ERC1: variants seen among roughly 807,000 people sequenced by gnomAD.
The protein encoded by ERC1 is ELKS/RAB6-interacting/CAST family member 1.
In ERC1, 56 loss-of-function variants were observed where a neutral mutation model predicts 132.0. That is an observed-to-expected ratio of 0.42 (90% confidence interval 0.34 to 0.53). The LOEUF (loss-of-function observed/expected upper bound fraction) is 0.53, where lower values mean the gene tolerates loss of function less well. Ranked by LOEUF, ERC1 falls within the 20% of genes least tolerant of loss-of-function variation. ERC1 has a pLI of 0.03. For synonymous variants in ERC1, 478 were observed against 476.1 expected (o/e 1.00, Z -0.05); for missense variants, 1,202 against 1,349.9 (o/e 0.89, Z 1.72).
At chr12:1,234,075 T>G (rs2075254108) in intron 12 of ERC1, among the ~76,000 whole-genome samples, 1 of 152,174 alleles carries the variant, frequency 6.6e-6, no homozygotes, top group Admixed American at 6.5e-5. Context: ...ATAATGTACA[T>G]AGAAATAAAA....
intron 11 of ERC1, among the ~76,000 whole-genome samples, chr12:1,188,611 T>C (rs1275938031): frequency 6.6e-6 from 1 of 152,194 alleles, no homozygotes; most frequent in Non-Finnish European, 1.5e-5. Flanking sequence ...ATTTAAGACA[T>C]AAAAGATTTT....
chr12:1,254,201 A>G (rs192709910), intron 13 of ERC1, among the ~76,000 whole-genome samples: 2 of 152,312 alleles, frequency 1.3e-5, no homozygotes, highest in East Asian at 1.9e-4. Context: ...ATGATAAAGC[A>G]TGTTCCTTTG....
At chr12:1,216,711 A>ATATTGTC (rs1412220175) in intron 12 of ERC1, among the ~76,000 whole-genome samples, 1 of 152,122 alleles carries the variant, frequency 6.6e-6, no homozygotes, top group African/African-American at 2.4e-5. Context: ...ATAAAAGGCC[A>ATATTGTC]TATTGTCTAT....
At chr12:1,130,405 T>C (rs1029131046) in intron 7 of ERC1, among the ~76,000 whole-genome samples, 2 of 151,654 alleles carry the variant, frequency 1.3e-5, no homozygotes, top group African/African-American at 2.4e-5. Flanking sequence ...GGAAGTGTTA[T>C]GTTATGTGTT....
intron 3 of ERC1, among the ~76,000 whole-genome samples, chr12:1,093,785 T>C (rs1324911112): frequency 2.6e-5 from 4 of 151,212 alleles, no homozygotes; most frequent in African/African-American, 9.7e-5. Flanking sequence ...AACTAGCATA[T>C]CTGAGGACTG....
intron 18 of ERC1, among the ~76,000 whole-genome samples, chr12:1,483,967 T>C: frequency 6.6e-6 from 1 of 151,726 alleles, no homozygotes; most frequent in Non-Finnish European, 1.5e-5. Context: ...GTGCTGGGAT[T>C]ATAGGCGTGA....
chr12:1,478,743 C>T (rs1269698848), intron 18 of ERC1, among the ~76,000 whole-genome samples: 3 of 151,202 alleles, frequency 2.0e-5, no homozygotes, highest in African/African-American at 7.3e-5. Context: ...GAGCCAAGAT[C>T]GCACCACTGC....
chr12:1,407,026 C>T (rs777270024), intron 16 of ERC1, among the ~76,000 whole-genome samples: 15 of 152,098 alleles, frequency 9.9e-5, no homozygotes, highest in Non-Finnish European at 1.5e-4. Flanking sequence ...ATCATGTACC[C>T]TGGCATTTTC....
intron 14 of ERC1, among the ~76,000 whole-genome samples, chr12:1,280,932 T>C (rs933843167): frequency 6.6e-6 from 1 of 152,190 alleles, no homozygotes; most frequent in African/African-American, 2.4e-5. Flanking sequence ...CTGTCCAGGG[T>C]TGTGTTGAAA....
chr12:1,355,266 T>C (rs891104237), intron 15 of ERC1, among the ~76,000 whole-genome samples: 9 of 152,204 alleles, frequency 5.9e-5, no homozygotes, highest in African/African-American at 1.7e-4. Context: ...TTTCACAAAA[T>C]GTAATTATTA....
intron 16 of ERC1, among the ~76,000 whole-genome samples, chr12:1,382,416 T>C (rs191395654): frequency 1.3e-5 from 2 of 152,352 alleles, no homozygotes; most frequent in East Asian, 3.9e-4. Flanking sequence ...AGCCCTGTGT[T>C]ATTCAGGCAT....
intron 16 of ERC1, among the ~76,000 whole-genome samples, chr12:1,385,580 C>T (rs571114451): frequency 3.5e-4 from 54 of 152,330 alleles, no homozygotes; most frequent in Non-Finnish European, 5.6e-4. Flanking sequence ...CCACCGCGCC[C>T]GGCCCCTATC....
At chr12:1,169,669 GA>G (rs751885273) in intron 8 of ERC1, among the ~76,000 whole-genome samples, 3 of 152,108 alleles carry the variant, frequency 2.0e-5, no homozygotes, top group Admixed American at 6.6e-5. Flanking sequence ...TAGACCTGGC[GA>G]AAATAAAAAT....
intron 1 of ERC1, among the ~76,000 whole-genome samples, chr12:1,002,220 C>T (rs1475296290): frequency 8.6e-6 from 1 of 116,016 alleles, no homozygotes; most frequent in Non-Finnish European, 1.6e-5. Flanking sequence ...GTCGCCCAGA[C>T]TGGAGTGAAG....
At position 1,356,199 on chromosome 12, in the gene ERC1, CAAAA is replaced by C. The variant is rs559125501; in HGVS notation, c.2781-15623_2781-15620del. On this transcript the variant is annotated intron_variant, in intron 15 of 18. Transcript: ENST00000360905. ...TGCCTAGGTGACAAAGTGAGACTGT[CAAAA>C]AAAAAAAAAAGTGTGTGTGTGTGTG... Among the ~76,000 whole-genome samples, 105 of 110,584 alleles carry C rather than the reference CAAAA, an allele frequency of 9.5e-4. 1 individual carries two copies. The highest frequency in any genetic ancestry group is 3.1e-3 in the African/African-American group (99 of 32,278). 72.5% of individuals were successfully genotyped at this position (110,584 alleles called of 152,430 possible). A position where few individuals can be genotyped will look rare whatever the true frequency, so the allele number is the denominator to read the frequency against.
At chr12:994,135 A>G (rs1005065000) in intron 1 of ERC1, among the ~76,000 whole-genome samples, 2 of 148,746 alleles carry the variant, frequency 1.3e-5, no homozygotes, top group African/African-American at 2.5e-5. Context: ...GTTTTACACT[A>G]TGTTTACATT....
At chr12:1,176,165 A>C (rs745481027) in intron 8 of ERC1, among the ~76,000 whole-genome samples, 3 of 152,228 alleles carry the variant, frequency 2.0e-5, no homozygotes, top group Non-Finnish European at 2.9e-5. Context: ...AACTAGTAAG[A>C]CTAGAAATCA....
intron 16 of ERC1, chr12:1,386,559 G>A (rs2089376381): frequency 6.7e-6 from 1 of 149,340 alleles, no homozygotes. Context: ...GAGGTGGGAG[G>A]ATCGCTTGGA....
intron 16 of ERC1, among the ~76,000 whole-genome samples, chr12:1,388,306 C>T (rs1232698233): frequency 3.4e-5 from 5 of 145,502 alleles, no homozygotes; most frequent in East Asian, 2.0e-4. Context: ...ACTGAGATTG[C>T]GCCACCGCAC....
Sources: allele counts gnomAD v4.1 joint callset (sites outside exome capture counted in the v4.1 genomes callset), GRCh38; gene constraint gnomAD v4.1.1; transcripts MANE v1.5; gene names NCBI Gene and HGNC (gene_info 2026-07-23, HGNC 2026-07-21).